The following CRPPA variants were observed in gnomAD, a reference collection of about 807,000 sequenced individuals.
CRPPA encodes D-ribitol-5-phosphate cytidylyltransferase.
A neutral mutation model predicts 52.0 loss-of-function variants in CRPPA; 43 were observed. The ratio of observed to expected loss-of-function variants is 0.83; its 90% CI spans 0.65 to 1.07. The LOEUF is 1.07. Ranked by LOEUF, CRPPA falls within the 50% of genes least tolerant of loss-of-function variation. The pLI is 0.00. For synonymous variants in CRPPA, 250 were observed against 203.5 expected (o/e 1.23, Z -1.94); for missense variants, 629 against 551.7 (o/e 1.14, Z -1.40).
intron 9 of CRPPA, among the ~76,000 whole-genome samples, chr7:16,152,455 T>A (rs1041796832): frequency 6.6e-6 from 1 of 151,998 alleles, no homozygotes; most frequent in Non-Finnish European, 1.5e-5. Flanking sequence ...TTGGGACTTC[T>A]GTTGGACGAA....
intron 9 of CRPPA, among the ~76,000 whole-genome samples, chr7:16,121,590 T>A (rs868730264): frequency 1.3e-5 from 2 of 151,994 alleles, no homozygotes; most frequent in African/African-American, 4.8e-5. Context: ...TGAATATTGA[T>A]GGAGGAATAA....
At chr7:16,399,313 G>A (rs992807666) in intron 2 of CRPPA, among the ~76,000 whole-genome samples, 5 of 151,720 alleles carry the variant, frequency 3.3e-5, no homozygotes, top group Middle Eastern at 3.4e-3. Flanking sequence ...CGTGTGACAC[G>A]TGACCAACAC....
At chr7:16,301,297 C>A in intron 5 of CRPPA, 124 bp downstream of exon 5, 1 of 695,878 alleles carries the variant, frequency 1.4e-6, no homozygotes, top group South Asian at 1.9e-5. Flanking sequence ...AAAAACAAAT[C>A]AGAGACCTTG....
At chr7:16,268,730 T>C (rs1375746041) in intron 6 of CRPPA, 1 of 152,220 alleles carries the variant, frequency 6.6e-6, no homozygotes, top group African/African-American at 2.4e-5. Context: ...ATATGTAATA[T>C]AGAATCTTAC....
intron 5 of CRPPA, among the ~76,000 whole-genome samples, chr7:16,289,518 G>A (rs976952423): frequency 6.6e-6 from 1 of 152,100 alleles, no homozygotes; most frequent in African/African-American, 2.4e-5. Context: ...ATGCAAGATG[G>A]TTCAACATAT....
intron 3 of CRPPA, among the ~76,000 whole-genome samples, chr7:16,341,724 C>T (rs1272288138): frequency 2.0e-5 from 3 of 152,114 alleles, no homozygotes; most frequent in Non-Finnish European, 4.4e-5. Flanking sequence ...TCTACCACTT[C>T]CCAAATATAT....
chr7:16,372,880 G>A (rs1444673541), intron 3 of CRPPA, among the ~76,000 whole-genome samples: 1 of 152,200 alleles, frequency 6.6e-6, no homozygotes, highest in Non-Finnish European at 1.5e-5. Flanking sequence ...CCAAAAGTGG[G>A]CAGGAGTAGT....
intron 9 of CRPPA, among the ~76,000 whole-genome samples, chr7:16,148,555 T>C (rs1178550433): frequency 6.6e-6 from 1 of 152,100 alleles, no homozygotes; most frequent in African/African-American, 2.4e-5. Flanking sequence ...AAAAACTATA[T>C]GCTCTCACTT....
chr7:16,277,393 A>T (rs892040230), intron 6 of CRPPA: 1 of 149,968 alleles, frequency 6.7e-6, no homozygotes, highest in African/African-American at 2.5e-5. Flanking sequence ...AAAAAATTAC[A>T]CAGCTAAAAT....
intron 3 of CRPPA, among the ~76,000 whole-genome samples, chr7:16,311,603 C>G (rs1785036191): frequency 6.6e-6 from 1 of 152,006 alleles, no homozygotes; most frequent in South Asian, 2.1e-4. Context: ...CCAGTTTTGG[C>G]AATTATGACT....
chr7:16,110,079 C>G (rs1165477447), intron 9 of CRPPA, among the ~76,000 whole-genome samples: 1 of 151,822 alleles, frequency 6.6e-6, no homozygotes, highest in Non-Finnish European at 1.5e-5. Flanking sequence ...TACACATATA[C>G]AGTAAGGTTG....
intron 1 of CRPPA, among the ~76,000 whole-genome samples, chr7:16,409,667 T>C (rs1788033142): frequency 6.6e-6 from 1 of 152,234 alleles, no homozygotes; most frequent in Non-Finnish European, 1.5e-5. Flanking sequence ...GCATTTTTTA[T>C]ATTTTAGCTC....
Position 16,254,161 on chromosome 7 carries a change from A to G in CRPPA, c.1119+4229T>C, listed in dbSNP as rs1261046775. Among the ~76,000 whole-genome samples, 6 of 152,318 alleles carry G rather than the reference A, an allele frequency of 3.9e-5. No homozygotes were observed. The East Asian group carries it at 9.7e-4, about 25-fold the overall frequency. Reference sequence around the variant, plus strand: ...GGTGGGACTGTAAACTAGTTCAACCATTGTGGAAGACAGTGTGGCAATTCC... The same window carrying G: ...GGTGGGACTGTAAACTAGTTCAACCGTTGTGGAAGACAGTGTGGCAATTCC... On this transcript the variant is annotated intron_variant, in intron 8 of 9. Transcript: ENST00000407010.
intron 9 of CRPPA, among the ~76,000 whole-genome samples, chr7:16,149,002 T>C (rs1783025899): frequency 1.3e-5 from 2 of 152,198 alleles, no homozygotes. Flanking sequence ...ACAAAAAATA[T>C]GTTTTCTACT....
At chr7:16,238,640 CTA>C (rs932811361) in intron 8 of CRPPA, among the ~76,000 whole-genome samples, 3 of 152,062 alleles carry the variant, frequency 2.0e-5, no homozygotes, top group East Asian at 1.9e-4. Flanking sequence ...TCAAAATAAC[CTA>C]TGAGTCTTGT....
At chr7:16,282,229 C>T (rs1784334887) in intron 5 of CRPPA, among the ~76,000 whole-genome samples, 1 of 152,126 alleles carries the variant, frequency 6.6e-6, no homozygotes, top group Non-Finnish European at 1.5e-5. Context: ...GATATTTTCA[C>T]TCAATTTAAA....
rs569759999 is a variant in CRPPA, at chr7:16,196,106, T to C, written c.1251+19960A>G. ...TGTAGTATATGTGTATATACAAACA[T>C]GTGTATAGAAATATAGAACATATAT... On this transcript the variant is annotated intron_variant, in intron 9 of 9. Coordinates refer to ENST00000407010, the MANE Select transcript of CRPPA (RefSeq NM_001101426.4). Among the ~76,000 whole-genome samples, 3 of 133,794 alleles carry C rather than the reference T, an allele frequency of 2.2e-5. No homozygotes were observed. The Admixed American group carries it at 2.4e-4, about 11-fold the overall frequency. The allele number at this position is 133,794 out of a possible 152,430, so 87.8% of individuals were successfully genotyped here. A position where few individuals can be genotyped will look rare whatever the true frequency, so the allele number is the denominator to read the frequency against.
At position 16,088,560 on chromosome 7, in the gene CRPPA, G is replaced by A. The variant is rs1227889961; in HGVS notation, c.*3135C>T. The A allele has an allele frequency of 6.6e-6, 1 of 152,134 alleles. No individual in the cohort carries two copies. Among genetic ancestry groups the A allele is most frequent in the Non-Finnish European group, 1.5e-5 (1 of 68,170 alleles). 9.4% of individuals were successfully genotyped at this position (152,134 alleles called of 1,614,324 possible). On this transcript the variant is annotated 3_prime_UTR_variant, in exon 10 of 10. Transcript: ENST00000407010. ...AGCCTCCTGAGTAGCTGGGACTACA[G>A]GCGCCCGCCACGATGCCTGGCTATT...
In CRPPA at chr7:16,229,444, T is replaced by C. The variant is rs551641359; in HGVS notation, c.1120-13247A>G. ...CTTTTTATTTTCTGTGTATCTAATA[T>C]AAGTTTTTGCTTTGTGGTTACCATG... is the stretch of plus-strand genomic sequence containing the variant. On this transcript the variant is annotated intron_variant, in intron 8 of 9. Coordinates refer to ENST00000407010, the MANE Select transcript of CRPPA (RefSeq NM_001101426.4). Among the ~76,000 whole-genome samples the C allele has an allele frequency of 2.7e-3, 413 of 152,194 alleles. 3 individuals carry two copies. The highest frequency in any genetic ancestry group is 9.5e-3 in the African/African-American group (394 of 41,556).
Sources: allele counts gnomAD v4.1 joint callset (sites outside exome capture counted in the v4.1 genomes callset), GRCh38; gene constraint gnomAD v4.1.1; transcripts MANE v1.5; gene names NCBI Gene and HGNC (gene_info 2026-07-23, HGNC 2026-07-21).